Variants in MAPKAP1 observed in about 807,000 individuals in gnomAD.
The protein encoded by MAPKAP1 is MAPK associated protein 1.
MAPKAP1 carries 20 observed loss-of-function variants against 65.7 expected under a neutral mutation model. The observed-to-expected ratio is 0.30, with a 90% confidence interval of 0.21 to 0.44. The LOEUF (loss-of-function observed/expected upper bound fraction) is 0.44. MAPKAP1 is among the 20% of genes least tolerant of loss of function. MAPKAP1 has a pLI of 1.00. For synonymous variants in MAPKAP1, 222 were observed against 244.3 expected (o/e 0.91, Z 0.85); for missense variants, 423 against 648.0 (o/e 0.65, Z 3.77).
intron 9 of MAPKAP1, among the ~76,000 whole-genome samples, chr9:125,480,479 T>C (rs1854266922): frequency 1.3e-5 from 2 of 152,142 alleles, no homozygotes; most frequent in South Asian, 2.1e-4. Flanking sequence ...ACCAGGGAGA[T>C]ACTTGCATGA....
At chr9:125,571,443 A>C (rs866339040) in intron 5 of MAPKAP1, among the ~76,000 whole-genome samples, 1 of 152,356 alleles carries the variant, frequency 6.6e-6, no homozygotes, top group Middle Eastern at 3.4e-3. Context: ...AGAATAGAGG[A>C]AACAACTTTT....
chr9:125,567,989 T>C (rs1831112022), intron 5 of MAPKAP1: 1 of 152,308 alleles, frequency 6.6e-6, no homozygotes, highest in Admixed American at 6.5e-5. Flanking sequence ...ATTGGACAAC[T>C]TTGGGTAAGT....
At chr9:125,490,314 T>G (rs1319054871) in intron 8 of MAPKAP1, among the ~76,000 whole-genome samples, 4 of 151,924 alleles carry the variant, frequency 2.6e-5, no homozygotes, top group Non-Finnish European at 4.4e-5. Flanking sequence ...CCGAGGTGGG[T>G]GGATCACCTG....
intron 9 of MAPKAP1, among the ~76,000 whole-genome samples, chr9:125,474,792 C>T (rs1274995844): frequency 6.6e-6 from 1 of 152,176 alleles, no homozygotes; most frequent in African/African-American, 2.4e-5. Flanking sequence ...GTGGTTCATT[C>T]ATCAATTTCC....
chr9:125,597,749 C>T (rs1004624917), intron 4 of MAPKAP1, among the ~76,000 whole-genome samples: 6 of 152,252 alleles, frequency 3.9e-5, no homozygotes, highest in East Asian at 1.9e-4. Context: ...TGTATCCAGA[C>T]GATGTAATGA....
At position 125,661,500 on chromosome 9, in the gene MAPKAP1, C is replaced by G. The variant is rs183510536; in HGVS notation, c.350-3701G>C. On this transcript the variant is annotated intron_variant, in intron 3 of 11. Transcript: ENST00000265960. ...AGCTGTAAAATGGAATGAAGCTTAT[C>G]TCTATATATTGCTCCAGAAAAATCC... Among the ~76,000 whole-genome samples, 551 of 152,168 alleles carry G rather than the reference C, an allele frequency of 3.6e-3. 5 individuals carry two copies. The highest frequency in any genetic ancestry group is 0.013 in the African/African-American group (531 of 41,504).
intron 5 of MAPKAP1, among the ~76,000 whole-genome samples, chr9:125,569,463 T>C (rs1248741827): frequency 6.6e-6 from 1 of 152,200 alleles, no homozygotes; most frequent in African/African-American, 2.4e-5. Flanking sequence ...GTCTATTCTT[T>C]TCTCCTCCGC....
At chr9:125,645,962 T>G (rs1833715068) in intron 4 of MAPKAP1, among the ~76,000 whole-genome samples, 1 of 152,076 alleles carries the variant, frequency 6.6e-6, no homozygotes, top group African/African-American at 2.4e-5. Context: ...TTTAAAAATT[T>G]TTTGAGATAA....
rs565355587 is a variant in MAPKAP1, at chr9:125,622,574, T to C, written c.498+35077A>G. Among the ~76,000 whole-genome samples, 96 of 151,632 alleles carry C rather than the reference T, an allele frequency of 6.3e-4. 1 individual carries two copies. The highest frequency in any genetic ancestry group is 2.7e-4 in the Non-Finnish European group (18 of 67,886). On this transcript the variant is annotated intron_variant, in intron 4 of 11. Transcript: ENST00000265960. ...AATTCTCCTGCCTCAGCCTCCTGAG[T>C]AGCTAGGATTGCAGGCGGGCACCAC...
intron 5 of MAPKAP1, among the ~76,000 whole-genome samples, chr9:125,563,108 C>A (rs1830940928): frequency 6.6e-6 from 1 of 152,312 alleles, no homozygotes; most frequent in Non-Finnish European, 1.5e-5. Context: ...CTCATGATCA[C>A]CCAATTAAAC....
At chr9:125,665,676 AC>A (rs1834320142) in intron 3 of MAPKAP1, among the ~76,000 whole-genome samples, 1 of 152,086 alleles carries the variant, frequency 6.6e-6, no homozygotes, top group Non-Finnish European at 1.5e-5. Flanking sequence ...GTGGGCCCCA[AC>A]CCCCATCTAC....
intron 1 of MAPKAP1, among the ~76,000 whole-genome samples, chr9:125,705,431 C>T (rs1835727926): frequency 6.6e-6 from 1 of 152,158 alleles, no homozygotes; most frequent in Non-Finnish European, 1.5e-5. Flanking sequence ...ACATCCCATC[C>T]CTCAAAGGTG....
rs533013236 is a variant in MAPKAP1 at position 125,439,052 on chromosome 9, G to T, written c.1444-40C>A. The stretch of plus-strand genomic sequence containing the variant: ...ACACAGCCCGGTCACCTTGCCAGCC[G>T]CTCCCTACCCACCCAGGGCATCGGA... On this transcript the variant is annotated intron_variant, in intron 11 of 11. Coordinates refer to ENST00000265960, the MANE Select transcript of MAPKAP1 (RefSeq NM_001006617.3). This position sits in a 1 kb window ranked among gnomAD's most constrained non-coding sequence, Gnocchi z 4.0. 16 of 1,605,614 alleles carry T rather than the reference G, an allele frequency of 1.0e-5. No individual in the cohort carries two copies. The highest frequency in any genetic ancestry group is 1.3e-5 in the Non-Finnish European group (15 of 1,175,956).
Position 125,655,000 on chromosome 9 carries a change from T to A in MAPKAP1, c.498+2651A>T, listed in dbSNP as rs564350782. Among the ~76,000 whole-genome samples the A allele has an allele frequency of 7.2e-5, 11 of 152,182 alleles. No homozygotes were observed. In the South Asian group the frequency reaches 1.9e-3, roughly 26 times the overall value. On this transcript the variant is annotated intron_variant, in intron 4 of 11. Coordinates refer to ENST00000265960, the MANE Select transcript of MAPKAP1 (RefSeq NM_001006617.3). ...TATTTGCCCAAGAGACCTAAGCAAC[T>A]CAGTTAATTATGTAAATAAGGCAAG...
chr9:125,502,127 A>T (rs1829000142), intron 8 of MAPKAP1, among the ~76,000 whole-genome samples: 1 of 149,908 alleles, frequency 6.7e-6, no homozygotes, highest in Non-Finnish European at 1.5e-5. Context: ...TTTGAGACAG[A>T]GTCTCACTCT....
At chr9:125,689,172 T>G (rs1312236502) in intron 1 of MAPKAP1, among the ~76,000 whole-genome samples, 2 of 151,840 alleles carry the variant, frequency 1.3e-5, no homozygotes, top group Non-Finnish European at 2.9e-5. Context: ...GCGCGGTGGC[T>G]CACGCCTGTA....
chr9:125,688,618 T>G (rs957358650), intron 1 of MAPKAP1, among the ~76,000 whole-genome samples: 1 of 152,046 alleles, frequency 6.6e-6, no homozygotes, highest in Non-Finnish European at 1.5e-5. Flanking sequence ...CCCAACACTT[T>G]GGGAGGCAGA....
chr9:125,483,076 A>C (rs1854375801), intron 9 of MAPKAP1, among the ~76,000 whole-genome samples: 2 of 152,186 alleles, frequency 1.3e-5, no homozygotes, highest in Admixed American at 1.3e-4. Context: ...TCTGAGCACC[A>C]CACTCTACTG....
chr9:125,509,333 C>T (rs1028533051), intron 7 of MAPKAP1, among the ~76,000 whole-genome samples: 2 of 152,010 alleles, frequency 1.3e-5, no homozygotes, highest in Non-Finnish European at 2.9e-5. Flanking sequence ...GGAGGTTATT[C>T]CTAAAATGTG....
Sources: gnomAD v4.1 joint callset for allele counts (sites outside exome capture counted in the v4.1 genomes callset) on GRCh38, gnomAD v4.1.1 for gene constraint, Gnocchi (gnomAD v3.1) non-coding constraint, MANE v1.5 for transcripts, NCBI Gene and HGNC (gene_info 2026-07-23, HGNC 2026-07-21) for gene names.